The following NUP205 variants were observed in gnomAD, a reference collection of about 807,000 sequenced individuals.
NUP205 encodes nucleoporin 205.
Under a neutral mutation model 253.8 loss-of-function variants are expected in NUP205, and 76 were observed. That is an observed-to-expected ratio of 0.30 (90% confidence interval 0.25 to 0.36). The LOEUF is 0.36. NUP205 is among the 10% of genes least tolerant of loss of function. NUP205 has a pLI of 1.00. For synonymous variants in NUP205, 832 were observed against 850.1 expected (o/e 0.98, Z 0.37); for missense variants, 2,162 against 2,425.5 (o/e 0.89, Z 2.28).
intron 22 of NUP205, among the ~76,000 whole-genome samples, chr7:135,611,294 G>A (rs1794230565): frequency 6.6e-6 from 1 of 152,196 alleles, no homozygotes; most frequent in Non-Finnish European, 1.5e-5. Context: ...ACATGCGTGA[G>A]TCACTGCCTG....
intron 22 of NUP205, among the ~76,000 whole-genome samples, chr7:135,609,059 G>A (rs1455719649): frequency 2.1e-5 from 3 of 144,652 alleles, no homozygotes; most frequent in African/African-American, 7.8e-5. Context: ...AACCTAGATC[G>A]TGCCACTGTA....
chr7:135,593,234 C>A (rs1366889015), intron 12 of NUP205, 42 bp downstream of exon 12: 14 of 1,531,968 alleles, frequency 9.1e-6, no homozygotes, highest in Non-Finnish European at 9.9e-6. Flanking sequence ...TTTATTATAG[C>A]ACAGTAGCAT....
At chr7:135,565,328 C>T (rs777252155) in intron 1 of NUP205, among the ~76,000 whole-genome samples, 2 of 152,050 alleles carry the variant, frequency 1.3e-5, no homozygotes, top group African/African-American at 4.8e-5. Flanking sequence ...TAATACCTTC[C>T]CTTTATACCA....
At position 135,570,728 on chromosome 7, in the gene NUP205, A is replaced by G. The variant is rs868365261; in HGVS notation, c.29-377A>G. Among the ~76,000 whole-genome samples the G allele has an allele frequency of 3.7e-3, 389 of 105,222 alleles. 1 individual carries two copies. Among genetic ancestry groups the G allele is most frequent in the Non-Finnish European group, 5.2e-3 (289 of 55,982 alleles). 69.0% of individuals were successfully genotyped at this position (105,222 alleles called of 152,430 possible). ...TATATTAATATAATTAATTATATTT[A>G]TATATTATATTAATATATTAATTAT... On this transcript the variant is annotated intron_variant, in intron 1 of 42. Coordinates refer to ENST00000285968, the MANE Select transcript of NUP205 (RefSeq NM_015135.3).
At chr7:135,591,029 G>T (rs1373176598) in intron 10 of NUP205, among the ~76,000 whole-genome samples, 2 of 152,190 alleles carry the variant, frequency 1.3e-5, no homozygotes, top group Non-Finnish European at 2.9e-5. Flanking sequence ...TTTGACCACA[G>T]AACAGAATAT....
chr7:135,590,733 A>G (rs367630813), intron 10 of NUP205, among the ~76,000 whole-genome samples: 2 of 151,976 alleles, frequency 1.3e-5, no homozygotes, highest in South Asian at 4.2e-4. Context: ...GGGTTTCACC[A>G]TGTTGGCCAG....
At chr7:135,568,404 C>T (rs561909442) in intron 1 of NUP205, among the ~76,000 whole-genome samples, 1 of 151,922 alleles carries the variant, frequency 6.6e-6, no homozygotes, top group South Asian at 2.1e-4. Flanking sequence ...GTGATCTTGG[C>T]TCACTGCAAC....
chr7:135,558,305 C>CG (rs1392147141), intron 1 of NUP205: 1 of 380,510 alleles, frequency 2.6e-6, no homozygotes, highest in Non-Finnish European at 5.0e-6. Flanking sequence ...CGCTGGAATA[C>CG]GCATCAGGTC....
At chr7:135,609,936 A>G (rs776849069) in intron 22 of NUP205, among the ~76,000 whole-genome samples, 1 of 152,206 alleles carries the variant, frequency 6.6e-6, no homozygotes, top group Non-Finnish European at 1.5e-5. Context: ...TGGCAGGTGA[A>G]GTAAATGAAT....
intron 36 of NUP205, 99 bp from the exon 37 acceptor site, chr7:135,637,832 C>A (rs2129492439): frequency 9.0e-7 from 1 of 1,110,636 alleles, no homozygotes; most frequent in Non-Finnish European, 1.3e-6. Flanking sequence ...GCCTTAAGGA[C>A]TGATTCCATT....
intron 4 of NUP205, among the ~76,000 whole-genome samples, 161 bp downstream of exon 4, chr7:135,576,575 G>T (rs1181162282): frequency 6.6e-6 from 1 of 152,062 alleles, no homozygotes; most frequent in Admixed American, 6.6e-5. Context: ...CTGTTTTATT[G>T]TGTTTATAAA....
chr7:135,566,799 G>A (rs981911262), intron 1 of NUP205, among the ~76,000 whole-genome samples: 12 of 151,922 alleles, frequency 7.9e-5, no homozygotes, highest in African/African-American at 1.2e-4. Context: ...GCGCAGTGGC[G>A]CAATCTCGGC....
intron 38 of NUP205, among the ~76,000 whole-genome samples, chr7:135,642,368 T>G (rs1794929835): frequency 6.6e-6 from 1 of 152,136 alleles, no homozygotes; most frequent in Non-Finnish European, 1.5e-5. Context: ...TTTTTTTCTT[T>G]TCTGTAGGGA....
chr7:135,634,459 T>C (rs1228865814), intron 35 of NUP205, among the ~76,000 whole-genome samples: 1 of 152,052 alleles, frequency 6.6e-6, no homozygotes, highest in African/African-American at 2.4e-5. Flanking sequence ...CATGATAGCG[T>C]TAGGTGCAAA....
At chr7:135,568,418 C>A (rs1805845138) in intron 1 of NUP205, among the ~76,000 whole-genome samples, 1 of 151,728 alleles carries the variant, frequency 6.6e-6, no homozygotes, top group African/African-American at 2.4e-5. Context: ...CTGCAACCTC[C>A]ACCTCCCAGG....
intron 36 of NUP205, among the ~76,000 whole-genome samples, chr7:135,636,886 G>A (rs1243324601): frequency 6.6e-6 from 1 of 152,084 alleles, no homozygotes; most frequent in Non-Finnish European, 1.5e-5. Context: ...CACGCCTGTA[G>A]TCCCAGCTAC....
chr7:135,573,929 G>T (rs527560740), intron 3 of NUP205, 104 bp downstream of exon 3: 38 of 911,314 alleles, frequency 4.2e-5, no homozygotes, highest in Non-Finnish European at 6.3e-5. Flanking sequence ...AGTTTCTAAG[G>T]CTGCAGTTTG....
chr7:135,633,424 T>G (rs1794752563), intron 35 of NUP205, among the ~76,000 whole-genome samples: 1 of 152,160 alleles, frequency 6.6e-6, no homozygotes, highest in South Asian at 2.1e-4. Flanking sequence ...AGTACTTTGT[T>G]TTTTAATCAG....
chr7:135,639,891 A>C (rs1350004384), intron 38 of NUP205, among the ~76,000 whole-genome samples: 2 of 152,228 alleles, frequency 1.3e-5, no homozygotes, highest in Non-Finnish European at 2.9e-5. Context: ...AACAAGAATG[A>C]GTTCATGTCC....
Sources: allele counts gnomAD v4.1 joint callset (sites outside exome capture counted in the v4.1 genomes callset), GRCh38; gene constraint gnomAD v4.1.1; transcripts MANE v1.5; gene names NCBI Gene and HGNC (gene_info 2026-07-23, HGNC 2026-07-21).